Variants in CELF2 observed in about 807,000 individuals in gnomAD.
CELF2 encodes CUGBP Elav-like family member 2.
In CELF2, 8 loss-of-function variants were observed where a neutral mutation model predicts 62.6. The observed-to-expected ratio is 0.13, with a 90% CI of 0.07 to 0.23. The LOEUF is 0.23. CELF2 is among the 10% of genes least tolerant of loss of function. CELF2 has a pLI of 1.00. For missense variants in CELF2, 333 were observed against 671.0 expected (o/e 0.50, Z 5.56); for synonymous variants, 258 against 250.0 (o/e 1.03, Z -0.30).
the CELF2 span, among the ~76,000 whole-genome samples, chr10:10,607,475 C>A: frequency 6.6e-6 from 1 of 152,072 alleles, no homozygotes; most frequent in South Asian, 2.1e-4. Context: ...TATAGAAACC[C>A]ATTCTAAAAA....
chr10:10,792,595 A>G, the CELF2 span: 3 of 394,384 alleles, frequency 7.6e-6, no homozygotes, highest in East Asian at 7.2e-5. Flanking sequence ...ACCAAAAAAG[A>G]CTGTAAGATC....
chr10:10,946,041 G>T (rs2047641404), intron 2 of CELF2: 1 of 152,712 alleles, frequency 6.5e-6, no homozygotes, highest in Non-Finnish European at 1.5e-5. Context: ...AAAGTAGAGG[G>T]GAACAGGTGC....
At chr10:10,581,583 T>C in the CELF2 span, among the ~76,000 whole-genome samples, 2 of 152,132 alleles carry the variant, frequency 1.3e-5, no homozygotes, top group Non-Finnish European at 2.9e-5. Flanking sequence ...GGTAGTCACA[T>C]GAGGCTCCAA....
chr10:11,330,746 A>T lies in CELF2; in HGVS notation c.*1693A>T, dbSNP rs1566046721. On this transcript the variant is annotated 3_prime_UTR_variant, in exon 13 of 13. Transcript: ENST00000633077. The surrounding 1 kb of genome is among the most constrained non-coding windows in gnomAD (Gnocchi z 4.5). ...CCTGTGGCAAAAACGTTTCTTTCTT[A>T]TTTTTTTTCTTTTCCTAAAACAGAC... 1 of 152,416 alleles carries T rather than the reference A, an allele frequency of 6.6e-6. No individual in the cohort carries two copies. The highest frequency in any genetic ancestry group is 1.5e-5 in the Non-Finnish European group (1 of 67,932). The allele number at this position is 152,416 out of a possible 1,614,324, so 9.4% of individuals were successfully genotyped here. A position where few individuals can be genotyped will look rare whatever the true frequency, so the allele number is the denominator to read the frequency against.
intron 9 of CELF2, among the ~76,000 whole-genome samples, chr10:11,310,674 G>A (rs191326601): frequency 1.0e-3 from 158 of 151,528 alleles, no homozygotes; most frequent in African/African-American, 3.6e-3. Context: ...TTTTTAACAC[G>A]CTACTTACTA....
At chr10:11,126,998 A>G (rs905075497) in intron 1 of CELF2, among the ~76,000 whole-genome samples, 4 of 151,692 alleles carry the variant, frequency 2.6e-5, no homozygotes, top group African/African-American at 9.7e-5. Context: ...CTGCACCCAT[A>G]CACTCATCAT....
the CELF2 span, among the ~76,000 whole-genome samples, chr10:10,517,214 C>T: frequency 2.6e-4 from 40 of 152,260 alleles, no homozygotes; most frequent in African/African-American, 9.1e-4. Flanking sequence ...CATTCAATCG[C>T]TATAGCTTGA....
chr10:11,304,205 C>T (rs192423476), intron 9 of CELF2, among the ~76,000 whole-genome samples: 152 of 152,266 alleles, frequency 1.0e-3, no homozygotes, highest in Non-Finnish European at 1.7e-3. Context: ...TTTCCTTTCC[C>T]GGCTTCTGCA....
chr10:10,925,759 G>A (rs958782355), intron 2 of CELF2, among the ~76,000 whole-genome samples: 4 of 152,052 alleles, frequency 2.6e-5, no homozygotes, highest in South Asian at 4.1e-4. Context: ...CCTCCAAACC[G>A]TCTTCTTTCA....
intron 1 of CELF2, among the ~76,000 whole-genome samples, chr10:11,027,730 G>A (rs892493908): frequency 7.2e-5 from 11 of 152,270 alleles, no homozygotes; most frequent in African/African-American, 2.2e-4. Flanking sequence ...TCAAGGCTAG[G>A]CGTCCTTTGC....
chr10:11,242,886 T>A lies in CELF2; in HGVS notation c.355-6267T>A, dbSNP rs1157639424. On this transcript the variant is annotated intron_variant, in intron 3 of 12. Coordinates refer to ENST00000633077, the MANE Select transcript of CELF2 (RefSeq NM_001326342.2). This position sits in a 1 kb window ranked among gnomAD's most constrained non-coding sequence, Gnocchi z 4.8. ...GCCTGATGCTGGGAGGCTTGTGTGG[T>A]CCGCCACCAACAGATGGCTCCTACC... Among the ~76,000 whole-genome samples, 1 of 152,106 alleles carries A rather than the reference T, an allele frequency of 6.6e-6. No individual in the cohort carries two copies. Among genetic ancestry groups the A allele is most frequent in the Non-Finnish European group, 1.5e-5 (1 of 68,002 alleles).
chr10:10,866,920 CAA>C (rs56098222), intron 1 of CELF2, among the ~76,000 whole-genome samples: 1,913 of 97,666 alleles, frequency 0.02, 24 homozygotes, highest in Middle Eastern at 0.068. Context: ...AACTCCTTCT[CAA>C]AAAAAAAAAA....
chr10:10,788,927 G>T, the CELF2 span: 6 of 152,116 alleles, frequency 3.9e-5, no homozygotes, highest in Admixed American at 2.6e-4. Context: ...TCTCCTGCTT[G>T]CCACACCCAC....
chr10:10,658,051 A>G, the CELF2 span, among the ~76,000 whole-genome samples: 1 of 152,226 alleles, frequency 6.6e-6, no homozygotes, highest in African/African-American at 2.4e-5. Context: ...GAAAGTAGCA[A>G]ACATAATTCC....
At chr10:11,154,730 G>T (rs2063975850) in intron 1 of CELF2, among the ~76,000 whole-genome samples, 1 of 152,172 alleles carries the variant, frequency 6.6e-6, no homozygotes. Flanking sequence ...TCAATCATCT[G>T]TTGTGATGCG....
chr10:10,580,725 C>T, the CELF2 span, among the ~76,000 whole-genome samples: 1 of 152,146 alleles, frequency 6.6e-6, no homozygotes, highest in African/African-American at 2.4e-5. Flanking sequence ...ATTGTATTTC[C>T]ATTTCAAGCT....
the CELF2 span, among the ~76,000 whole-genome samples, chr10:10,703,863 T>A: frequency 6.6e-6 from 1 of 152,212 alleles, no homozygotes; most frequent in Admixed American, 6.5e-5. Context: ...GAAGGTACGA[T>A]CACAGAACCC....
At chr10:10,614,982 A>G in the CELF2 span, among the ~76,000 whole-genome samples, 2 of 152,050 alleles carry the variant, frequency 1.3e-5, no homozygotes, top group Non-Finnish European at 2.9e-5. Flanking sequence ...AGCTCTGAAG[A>G]GCATGATGGT....
chr10:10,914,171 T>C (rs958804425), intron 1 of CELF2, among the ~76,000 whole-genome samples: 5 of 152,046 alleles, frequency 3.3e-5, no homozygotes, highest in Non-Finnish European at 5.9e-5. Context: ...GGAAAAAAAT[T>C]AAAGATACAG....
Sources: gnomAD v4.1 joint callset for allele counts (sites outside exome capture counted in the v4.1 genomes callset) on GRCh38, gnomAD v4.1.1 for gene constraint, Gnocchi (gnomAD v3.1) non-coding constraint, MANE v1.5 for transcripts, NCBI Gene and HGNC (gene_info 2026-07-23, HGNC 2026-07-21) for gene names.